SHLD1: variants seen among roughly 807,000 people sequenced by gnomAD.
The protein encoded by SHLD1 is shieldin complex subunit 1.
SHLD1 carries 3 observed loss-of-function variants against 5.5 expected under a neutral mutation model. The observed-to-expected ratio is 0.54, with a 90% confidence interval of 0.25 to 1.40. SHLD1 has a LOEUF of 1.40. SHLD1 is among the 40% of genes most tolerant of loss of function. The probability of loss-of-function intolerance (pLI) is 0.15; values close to 1 mark genes in which losing one functional copy is unlikely to be tolerated. For synonymous variants in SHLD1, 92 were observed against 94.3 expected (o/e 0.98, Z 0.14); for missense variants, 210 against 244.4 (o/e 0.86, Z 0.94).
chr20:5,761,235 A>G (rs1190408778), intron 1 of SHLD1, among the ~76,000 whole-genome samples: 1 of 152,080 alleles, frequency 6.6e-6, no homozygotes, highest in Non-Finnish European at 1.5e-5. Context: ...GGAGGGGAAC[A>G]TCACACACTG....
At chr20:5,829,069 G>A (rs2087698576) in intron 2 of SHLD1, among the ~76,000 whole-genome samples, 1 of 146,804 alleles carries the variant, frequency 6.8e-6, no homozygotes, top group Non-Finnish European at 1.5e-5. Flanking sequence ...TAGAGACAGA[G>A]TCTCACTATG....
intron 2 of SHLD1, among the ~76,000 whole-genome samples, chr20:5,827,777 C>A (rs4815866): frequency 0.38 from 58,221 of 152,130 alleles, 13,093 homozygotes; most frequent in East Asian, 0.53. Context: ...CAGTTAGCTT[C>A]CCTTACGGCT....
Position 5,781,950 on chromosome 20 carries a change from G to T in SHLD1, c.178+8907G>T, listed in dbSNP as rs534847277. Among the ~76,000 whole-genome samples the T allele has an allele frequency of 4.2e-4, 64 of 152,312 alleles. 1 individual carries two copies. Among genetic ancestry groups the T allele is most frequent in the African/African-American group, 1.4e-3 (60 of 41,568 alleles). On this transcript the variant is annotated intron_variant, in intron 2 of 2. Coordinates refer to ENST00000303142, the MANE Select transcript of SHLD1 (RefSeq NM_152504.4). The stretch of plus-strand genomic sequence containing the variant: ...ACGACTGTACAGGTGCACACGAGCT[G>T]AATAGAGGCCCCTGCTGCTGTCCAA...
chr20:5,760,641 C>T (rs1273388505), intron 1 of SHLD1, among the ~76,000 whole-genome samples: 2 of 151,406 alleles, frequency 1.3e-5, no homozygotes, highest in Admixed American at 1.3e-4. Flanking sequence ...TGCAGTGAGC[C>T]GAGATCATGC....
Position 5,856,133 on chromosome 20 carries a change from T to TA in SHLD1, c.179-6891_179-6890insA, listed in dbSNP as rs201697626. Reference sequence around the variant, plus strand: ...TTTCATGCCCTGGATATTTGGGGCTTGCTTGTTAGGCAGCATAACCTGGCC... The same window carrying TA: ...TTTCATGCCCTGGATATTTGGGGCTTAGCTTGTTAGGCAGCATAACCTGGCC... On this transcript the variant is annotated intron_variant, in intron 2 of 2. Coordinates refer to ENST00000303142, the MANE Select transcript of SHLD1 (RefSeq NM_152504.4). Among the ~76,000 whole-genome samples the TA allele has an allele frequency of 2.0e-4, 31 of 152,364 alleles. No homozygotes were observed. In the East Asian group the frequency reaches 3.3e-3, roughly 16 times the overall value.
chr20:5,857,382 G>T (rs1228313417), intron 2 of SHLD1, among the ~76,000 whole-genome samples: 2 of 152,186 alleles, frequency 1.3e-5, no homozygotes, highest in African/African-American at 4.8e-5. Context: ...AGGAAGCGGG[G>T]CCTGGGAACT....
intron 2 of SHLD1, among the ~76,000 whole-genome samples, chr20:5,841,948 A>G (rs1314122534): frequency 6.6e-6 from 1 of 152,220 alleles, no homozygotes; most frequent in East Asian, 1.9e-4. Flanking sequence ...GCAAATGGAA[A>G]TAGTTGACTA....
At chr20:5,768,102 G>A (rs1184356346) in intron 1 of SHLD1, among the ~76,000 whole-genome samples, 2 of 151,492 alleles carry the variant, frequency 1.3e-5, no homozygotes, top group African/African-American at 2.4e-5. Flanking sequence ...AACCTCCCAA[G>A]TAGCTGGGAT....
chr20:5,767,122 AT>A (rs1984875895), intron 1 of SHLD1, among the ~76,000 whole-genome samples: 1 of 149,214 alleles, frequency 6.7e-6, no homozygotes, highest in Non-Finnish European at 1.5e-5. Context: ...CTCCATTCAC[AT>A]TTTCTTTTCT....
At chr20:5,795,249 AAAAC>A (rs537183133) in intron 2 of SHLD1, among the ~76,000 whole-genome samples, 66 of 148,598 alleles carry the variant, frequency 4.4e-4, no homozygotes, top group African/African-American at 1.6e-3. Flanking sequence ...AAAAAAAACA[AAAAC>A]AAAACAAAAC....
At chr20:5,817,418 C>CTCTCTT (rs2087545410) in intron 2 of SHLD1, among the ~76,000 whole-genome samples, 1 of 136,656 alleles carries the variant, frequency 7.3e-6, no homozygotes, top group African/African-American at 3.0e-5. Flanking sequence ...CTCTCTCTCT[C>CTCTCTT]TCTCTCTCTC....
rs139590025 is a variant in SHLD1 at position 5,862,235 on chromosome 20, C to CA, written c.179-787dup. ...ATAGCGTAAAAATTTAAAACACCTT[C>CA]AACATACTATAATATGATATGAAAA... is the stretch of plus-strand genomic sequence containing the variant. On this transcript the variant is annotated intron_variant, in intron 2 of 2. Coordinates refer to ENST00000303142, the MANE Select transcript of SHLD1 (RefSeq NM_152504.4). 9.8e-5 allele frequency among the ~76,000 whole-genome samples: 15 copies of CA among 152,304 alleles called. No homozygotes were observed. In the East Asian group the frequency reaches 2.9e-3, roughly 29 times the overall value.
At chr20:5,757,547 G>A (rs544766602) in intron 1 of SHLD1, among the ~76,000 whole-genome samples, 1 of 152,102 alleles carries the variant, frequency 6.6e-6, no homozygotes, top group Non-Finnish European at 1.5e-5. Context: ...GTATATGTGT[G>A]TATCTGTTTT....
intron 2 of SHLD1, among the ~76,000 whole-genome samples, chr20:5,816,592 A>C (rs2122394051): frequency 6.6e-6 from 1 of 152,300 alleles, no homozygotes; most frequent in South Asian, 2.1e-4. Context: ...GACCATAGCG[A>C]AATAGTGGCA....
chr20:5,810,789 A>C (rs1455196070), intron 2 of SHLD1, among the ~76,000 whole-genome samples: 1 of 150,968 alleles, frequency 6.6e-6, no homozygotes, highest in East Asian at 2.0e-4. Context: ...CATCCCAGCT[A>C]CTTGGGTGGC....
chr20:5,849,140 T>C (rs1287074), intron 2 of SHLD1, among the ~76,000 whole-genome samples: 147,849 of 152,332 alleles, frequency 0.97, 71,792 homozygotes, highest in East Asian at 1. Context: ...GAAGCTTAAG[T>C]TTATTGTTTT....
chr20:5,808,414 A>G (rs538059660), intron 2 of SHLD1, among the ~76,000 whole-genome samples: 1 of 152,252 alleles, frequency 6.6e-6, no homozygotes, highest in South Asian at 2.1e-4. Flanking sequence ...GTACATGTGT[A>G]TATTGTACAC....
Position 5,863,554 on chromosome 20 carries a change from C to A in SHLD1, c.*91C>A. On this transcript the variant is annotated 3_prime_UTR_variant, in exon 3 of 3. Coordinates refer to ENST00000303142, the MANE Select transcript of SHLD1 (RefSeq NM_152504.4). ...CACCCAGATCCCCTAGGGTCTCTGG[C>A]CAGCTCTGTGTGCCCAATCCCAATT... 1 of 1,311,242 alleles carries A rather than the reference C, an allele frequency of 7.6e-7. No individual in the cohort carries two copies. The highest frequency in any genetic ancestry group is 2.6e-4 in the Middle Eastern group (1 of 3,866). The allele number at this position is 1,311,242 out of a possible 1,614,324, so 81.2% of individuals were successfully genotyped here.
chr20:5,779,559 T>C (rs1985593408), intron 2 of SHLD1, among the ~76,000 whole-genome samples: 1 of 152,194 alleles, frequency 6.6e-6, no homozygotes. Flanking sequence ...CACTAATCTC[T>C]ACTGGGCCAC....
Sources: allele counts gnomAD v4.1 joint callset (sites outside exome capture counted in the v4.1 genomes callset), GRCh38; gene constraint gnomAD v4.1.1; transcripts MANE v1.5; gene names NCBI Gene and HGNC (gene_info 2026-07-23, HGNC 2026-07-21).